Variants in PCDHGB6 observed in about 807,000 individuals in gnomAD.
PCDHGB6 encodes protocadherin gamma-B6.
PCDHGB6 carries 51 observed loss-of-function variants against 59.1 expected under a neutral mutation model. That is an observed-to-expected ratio of 0.86 (90% confidence interval 0.69 to 1.09). The LOEUF (loss-of-function observed/expected upper bound fraction) is 1.09, where lower values mean the gene tolerates loss of function less well. Ranked by LOEUF, PCDHGB6 falls within the 50% of genes least tolerant of loss-of-function variation. The pLI, the probability that PCDHGB6 is intolerant of heterozygous loss-of-function variation, is 0.00. For missense variants in PCDHGB6, 1,148 were observed against 1,205.1 expected (o/e 0.95, Z 0.70); for synonymous variants, 466 against 495.1 (o/e 0.94, Z 0.78).
chr5:141,415,761 T>TG (rs1485369884), intron 1 of PCDHGB6: 1 of 1,399,490 alleles, frequency 7.1e-7, no homozygotes, highest in Non-Finnish European at 9.3e-7. Flanking sequence ...TTTTTTTTTT[T>TG]TTTTTTTTTT....
intron 1 of PCDHGB6, among the ~76,000 whole-genome samples, chr5:141,484,730 G>T (rs1231473842): frequency 6.6e-6 from 1 of 151,728 alleles, no homozygotes; most frequent in Non-Finnish European, 1.5e-5. Context: ...GGGGTCAGTC[G>T]GTGTGTTAGG....
At chr5:141,492,189 G>A (rs2099737936) in intron 1 of PCDHGB6, among the ~76,000 whole-genome samples, 1 of 152,204 alleles carries the variant, frequency 6.6e-6, no homozygotes, top group East Asian at 1.9e-4. Flanking sequence ...GCACCTGTCT[G>A]CGGGACTTAG....
chr5:141,487,067 G>C lies in PCDHGB6; in HGVS notation c.2419-7740G>C, dbSNP rs765539804. 3 of 1,614,048 alleles carry C rather than the reference G, an allele frequency of 1.9e-6. No individual in the cohort carries two copies. The highest frequency in any genetic ancestry group is 3.3e-5 in the Admixed American group (2 of 60,010). ...ATATGCTGGGGAGGTGCGGACGGCT[G>C]TTCCTATCCCAGCTGACCTCCCACC... On this transcript the variant is annotated intron_variant, in intron 1 of 3. Coordinates refer to ENST00000520790, the MANE Select transcript of PCDHGB6 (RefSeq NM_018926.3). The surrounding 1 kb of genome is among the most constrained non-coding windows in gnomAD (Gnocchi z 5.0).
intron 1 of PCDHGB6, chr5:141,415,066 C>G: frequency 6.2e-7 from 1 of 1,613,410 alleles, no homozygotes; most frequent in Non-Finnish European, 8.5e-7. Context: ...GGGCGAGGTG[C>G]GCACGGCGCG....
chr5:141,414,185 T>C lies in PCDHGB6; in HGVS notation c.2418+3565T>C, dbSNP rs374044785. ...GGAGCATATCTTGCAACTGCAAAAG[T>C]GTTGATTACAGTAGAAGATGTAAAT... On this transcript the variant is annotated intron_variant, in intron 1 of 3. Transcript: ENST00000520790. The C allele has an allele frequency of 1.2e-5, 19 of 1,609,558 alleles. No homozygotes were observed. The highest frequency in any genetic ancestry group is 1.6e-5 in the Non-Finnish European group (19 of 1,177,778).
Position 141,489,276 on chromosome 5 carries a change from AT to A in PCDHGB6, c.2419-5530del, listed in dbSNP as rs2099684949. 1.9e-6 allele frequency: 3 copies of A among 1,556,004 alleles called. No homozygotes were observed. Among genetic ancestry groups the A allele is most frequent in the Non-Finnish European group, 2.6e-6 (3 of 1,151,570 alleles). ...AGACACTCCCACAGCTCGCTGGGAA[AT>A]GGCAAGTGCTGTGCATGTTGTCCTT... On this transcript the variant is annotated intron_variant, in intron 1 of 3. Coordinates refer to ENST00000520790, the MANE Select transcript of PCDHGB6 (RefSeq NM_018926.3). This position sits in a 1 kb window ranked among gnomAD's most constrained non-coding sequence, Gnocchi z 4.5.
In PCDHGB6 at chr5:141,454,516, C is replaced by T. The variant is rs375583922; in HGVS notation, c.2419-40291C>T. On this transcript the variant is annotated intron_variant, in intron 1 of 3. Coordinates refer to ENST00000520790, the MANE Select transcript of PCDHGB6 (RefSeq NM_018926.3). Reference sequence around the variant, plus strand: ...CCACCTCCTGGATTCAGGCAGTTCTCCTGCCTCAGCCTCCCAAGTAGCTGA... The same window carrying T: ...CCACCTCCTGGATTCAGGCAGTTCTTCTGCCTCAGCCTCCCAAGTAGCTGA... Among the ~76,000 whole-genome samples the T allele has an allele frequency of 1.2e-4, 18 of 152,288 alleles. No individual in the cohort carries two copies. In the East Asian group the frequency reaches 3.1e-3, roughly 26 times the overall value.
At position 141,485,035 on chromosome 5, in the gene PCDHGB6, AC is replaced by A; in HGVS notation, c.2419-9769del. ...CCGCCACCAGCAAAAACGGCGCGTA[AC>A]CCTTGCGGCGCCGGCCGAACCGCGC... On this transcript the variant is annotated intron_variant, in intron 1 of 3. Coordinates refer to ENST00000520790, the MANE Select transcript of PCDHGB6 (RefSeq NM_018926.3). The surrounding 1 kb of genome is among the most constrained non-coding windows in gnomAD (Gnocchi z 5.7). 1.4e-6 allele frequency: 1 copy of A among 694,388 alleles called. No homozygotes were observed. Among genetic ancestry groups the A allele is most frequent in the East Asian group, 2.6e-5 (1 of 38,852 alleles). The allele number at this position is 694,388 out of a possible 1,614,324, so 43.0% of individuals were successfully genotyped here.
chr5:141,490,726 AATCAGG>A lies in PCDHGB6; in HGVS notation c.2419-4080_2419-4075del. The A allele has an allele frequency of 6.2e-7, 1 of 1,614,202 alleles. No homozygotes were observed. The highest frequency in any genetic ancestry group is 8.5e-7 in the Non-Finnish European group (1 of 1,180,032). On this transcript the variant is annotated intron_variant, in intron 1 of 3. Transcript: ENST00000520790. This position sits in a 1 kb window ranked among gnomAD's most constrained non-coding sequence, Gnocchi z 5.4. Reference sequence around the variant, plus strand: ...CCGCCTCACCTACTCCATTGTAGGAAATCAGGTTCAGGGAGCCCCAGCCTCCTCCTT... The same window carrying A: ...CCGCCTCACCTACTCCATTGTAGGAATTCAGGGAGCCCCAGCCTCCTCCTT...
Position 141,427,512 on chromosome 5 carries a change from T to A in PCDHGB6, c.2418+16892T>A, listed in dbSNP as rs1483922394. ...GCTTGTAACAGATGGGACCCTGGATTGGGAGCGGATCCCGGAGTACAACGT... is the reference window on the plus strand; with the variant it reads ...GCTTGTAACAGATGGGACCCTGGATAGGGAGCGGATCCCGGAGTACAACGT... On this transcript the variant is annotated intron_variant, in intron 1 of 3. Transcript: ENST00000520790. 1.2e-5 allele frequency: 7 copies of A among 592,748 alleles called. No homozygotes were observed. The Admixed American group carries it at 1.3e-4, about 11-fold the overall frequency. 36.7% of individuals were successfully genotyped at this position (592,748 alleles called of 1,614,324 possible). A position where few individuals can be genotyped will look rare whatever the true frequency, so the allele number is the denominator to read the frequency against.
intron 2 of PCDHGB6, among the ~76,000 whole-genome samples, chr5:141,495,936 T>C (rs1329369782): frequency 6.6e-6 from 1 of 152,206 alleles, no homozygotes; most frequent in Non-Finnish European, 1.5e-5. Flanking sequence ...GTCTCTGGTC[T>C]CTGTGCCTGT....
At chr5:141,461,501 T>G (rs113852528) in intron 1 of PCDHGB6, among the ~76,000 whole-genome samples, 1 of 152,310 alleles carries the variant, frequency 6.6e-6, no homozygotes, top group South Asian at 2.1e-4. Flanking sequence ...TTATTTTTCT[T>G]GGTGATTTGT....
intron 1 of PCDHGB6, among the ~76,000 whole-genome samples, chr5:141,455,570 A>T (rs181469693): frequency 2.6e-5 from 4 of 152,222 alleles, no homozygotes; most frequent in Non-Finnish European, 5.9e-5. Context: ...TGGCCCTCCC[A>T]CCCCAGCCTT....
intron 1 of PCDHGB6, chr5:141,411,535 G>C (rs945278706): frequency 6.6e-6 from 1 of 152,274 alleles, no homozygotes; most frequent in Non-Finnish European, 1.5e-5. Context: ...AGTGAGCCCT[G>C]ATCTTGCCAC....
chr5:141,427,819 T>C, intron 1 of PCDHGB6: 1 of 1,531,664 alleles, frequency 6.5e-7, no homozygotes, highest in Non-Finnish European at 8.9e-7. Context: ...AGCGGGGTGG[T>C]GGTCGCGCAG....
chr5:141,457,676 A>G (rs1380484149), intron 1 of PCDHGB6, among the ~76,000 whole-genome samples: 2 of 152,240 alleles, frequency 1.3e-5, no homozygotes, highest in East Asian at 3.8e-4. Flanking sequence ...TTATTTCTAC[A>G]TAGGACTTTT....
At chr5:141,452,106 CTCT>C (rs748460925) in intron 1 of PCDHGB6, among the ~76,000 whole-genome samples, 12 of 152,096 alleles carry the variant, frequency 7.9e-5, no homozygotes, top group South Asian at 4.1e-4. Flanking sequence ...GCTTTCTTTT[CTCT>C]TCTTATTTAT....
At chr5:141,506,487 G>A (rs1265051912) in intron 3 of PCDHGB6, among the ~76,000 whole-genome samples, 3 of 150,464 alleles carry the variant, frequency 2.0e-5, no homozygotes, top group Non-Finnish European at 4.4e-5. Flanking sequence ...TTAGAGGCAG[G>A]CCAATCTGGA....
In PCDHGB6 at chr5:141,477,955, C is replaced by T. The variant is rs748233998; in HGVS notation, c.2419-16852C>T. The T allele has an allele frequency of 3.7e-6, 6 of 1,614,004 alleles. No homozygotes were observed. Among genetic ancestry groups the T allele is most frequent in the Admixed American group, 3.3e-5 (2 of 59,988 alleles). On this transcript the variant is annotated intron_variant, in intron 1 of 3. Transcript: ENST00000520790. This position sits in a 1 kb window ranked among gnomAD's most constrained non-coding sequence, Gnocchi z 4.9. ...GGCTCTCCTACAGTCTCTTGGGATCCCCTAACCAGAGCCTTTTTGCCATAG... is the reference window on the plus strand; with the variant it reads ...GGCTCTCCTACAGTCTCTTGGGATCTCCTAACCAGAGCCTTTTTGCCATAG...
Sources: allele counts gnomAD v4.1 joint callset (sites outside exome capture counted in the v4.1 genomes callset), GRCh38; gene constraint gnomAD v4.1.1; non-coding constraint Gnocchi (gnomAD v3.1); transcripts MANE v1.5; gene names NCBI Gene and HGNC (gene_info 2026-07-23, HGNC 2026-07-21).